BRI3: variants seen among roughly 807,000 people sequenced by gnomAD.
BRI3 encodes the protein membrane protein BRI3.
Under a neutral mutation model 12.8 loss-of-function variants are expected in BRI3, and 6 were observed. The ratio of observed to expected loss-of-function variants is 0.47; its 90% confidence interval spans 0.26 to 0.93. The LOEUF (loss-of-function observed/expected upper bound fraction) is 0.93. Among genes scored for constraint, BRI3 ranks in the 40% least tolerant of loss-of-function variants. The probability of loss-of-function intolerance (pLI) is 0.15; values close to 1 mark genes in which losing one functional copy is unlikely to be tolerated. For missense variants in BRI3, 134 were observed against 171.1 expected, an observed-to-expected ratio of 0.78 and a Z score of 1.21; for synonymous variants, 91 against 76.1, an observed-to-expected ratio of 1.20 and a Z score of -1.02.
chr7:98,305,092 T>C (rs543771537), upstream of BRI3, among the ~76,000 whole-genome samples: 3 of 148,626 alleles, frequency 2.0e-5, no homozygotes, highest in East Asian at 2.0e-4. Flanking sequence ...GGTTTCATTA[T>C]GTTGGCCAGG....
intron 1 of BRI3, among the ~76,000 whole-genome samples, chr7:98,301,475 G>GTA (rs60741017): frequency 0.069 from 9,826 of 142,198 alleles, 509 homozygotes; most frequent in East Asian, 0.3. Context: ...TTTTTTTTTG[G>GTA]TATATATATA....
At chr7:98,304,271 G>A (rs539226207), upstream of BRI3, 44 of 1,613,580 alleles carry the variant, frequency 2.7e-5, no homozygotes, top group African/African-American at 1.3e-4. Context: ...CTCTCCTGTC[G>A]GCAGCTGCCC....
chr7:98,283,870 G>A (rs902767991), intron 2 of BRI3, among the ~76,000 whole-genome samples: 1 of 152,232 alleles, frequency 6.6e-6, no homozygotes, highest in Non-Finnish European at 1.5e-5. Context: ...GAGACCAGCG[G>A]CAGCGAGGGA....
exon 2 of BRI3, chr7:98,309,778 G>C (rs900084351): frequency 2.0e-5 from 3 of 151,326 alleles, no homozygotes; most frequent in African/African-American, 7.4e-5. Context: ...CACAGGTCTC[G>C]AGGGTCCTGG....
chr7:98,305,852 G>A (rs1205417984), upstream of BRI3, among the ~76,000 whole-genome samples: 5 of 152,164 alleles, frequency 3.3e-5, no homozygotes, highest in South Asian at 2.1e-4. Context: ...TCTGGAATAC[G>A]GATTTGGGGG....
downstream of BRI3, chr7:98,293,423 AC>A (rs1800050572): frequency 8.7e-7 from 1 of 1,154,300 alleles, no homozygotes; most frequent in Admixed American, 1.8e-5. Flanking sequence ...AGGCCTCTCC[AC>A]TGAAGCTTCC....
At chr7:98,305,202 TA>T (rs1325512825), upstream of BRI3, among the ~76,000 whole-genome samples, 5 of 151,636 alleles carry the variant, frequency 3.3e-5, no homozygotes, top group African/African-American at 1.2e-4. Context: ...AAAAATTATT[TA>T]AAAGACATGA....
downstream of BRI3, chr7:98,312,196 T>C: frequency 6.2e-7 from 1 of 1,614,166 alleles, no homozygotes; most frequent in Non-Finnish European, 8.5e-7. Flanking sequence ...TGATTTTCTC[T>C]GGCACTTTGA....
intron 2 of BRI3, among the ~76,000 whole-genome samples, chr7:98,289,984 T>G (rs75105233): frequency 6.6e-6 from 1 of 152,138 alleles, no homozygotes; most frequent in Non-Finnish European, 1.5e-5. Flanking sequence ...GAGATCACAT[T>G]TCTCAAAATA....
upstream of BRI3, among the ~76,000 whole-genome samples, chr7:98,302,023 C>T (rs774956244): frequency 6.6e-6 from 1 of 152,106 alleles, no homozygotes; most frequent in African/African-American, 2.4e-5. Flanking sequence ...CGGTAAGAGG[C>T]GTGCACCGTG....
upstream of BRI3, among the ~76,000 whole-genome samples, chr7:98,304,850 A>G (rs1441216404): frequency 6.7e-6 from 1 of 149,788 alleles, no homozygotes; most frequent in African/African-American, 2.5e-5. Context: ...GTTTCTAAAC[A>G]TATCCTCACA....
At chr7:98,287,611 G>C (rs1283712526) in intron 2 of BRI3, among the ~76,000 whole-genome samples, 1 of 152,232 alleles carries the variant, frequency 6.6e-6, no homozygotes, top group Non-Finnish European at 1.5e-5. Context: ...GCCCGTGGCA[G>C]TGGGAGTGCA....
At chr7:98,317,450 A>G in the BRI3 span, 7 of 1,497,768 alleles carry the variant, frequency 4.7e-6, no homozygotes, top group Admixed American at 7.1e-5. Flanking sequence ...GTGTGGCTCA[A>G]CGGGGCCCTG....
At chr7:98,301,676 T>C (rs948608623), upstream of BRI3, among the ~76,000 whole-genome samples, 23 of 152,080 alleles carry the variant, frequency 1.5e-4, no homozygotes, top group Admixed American at 4.6e-4. Flanking sequence ...TGTGTGTGTG[T>C]GCACACGCGC....
downstream of BRI3, chr7:98,315,339 G>T: frequency 2.1e-6 from 2 of 934,774 alleles, no homozygotes; most frequent in Non-Finnish European, 1.4e-6. Flanking sequence ...TGTTGCCCAG[G>T]CCCACCTCAG....
chr7:98,281,736 T>G lies in BRI3; in HGVS notation c.-60T>G. ...CCGCGTCCCCGCCGCCGCCGCCGCG[T>G]CCCCCGCCGGGGCCGACCGAGCCGA... On this transcript the variant is annotated 5_prime_UTR_variant, in exon 1 of 3. Transcript: ENST00000297290. 7.3e-6 allele frequency: 6 copies of G among 823,624 alleles called. No individual in the cohort carries two copies. The highest frequency in any genetic ancestry group is 8.7e-6 in the Non-Finnish European group (6 of 690,156). 51.0% of individuals were successfully genotyped at this position (823,624 alleles called of 1,614,324 possible).
downstream of BRI3, among the ~76,000 whole-genome samples, chr7:98,295,110 C>A (rs1046665706): frequency 1.3e-5 from 2 of 152,228 alleles, no homozygotes; most frequent in Admixed American, 6.5e-5. Flanking sequence ...GCACGCAGAC[C>A]TCTCAAGATT....
upstream of BRI3, among the ~76,000 whole-genome samples, chr7:98,303,139 T>C (rs1027515198): frequency 6.6e-6 from 1 of 152,218 alleles, no homozygotes; most frequent in Non-Finnish European, 1.5e-5. Flanking sequence ...AACCAAATCA[T>C]GCCAATGCAG....
chr7:98,307,680 C>T, exon 2 of BRI3: 1 of 1,613,552 alleles, frequency 6.2e-7, no homozygotes, highest in African/African-American at 1.3e-5. Flanking sequence ...CCATCACGCC[C>T]AGACTTACGC....
Sources: gnomAD v4.1 joint callset for allele counts (sites outside exome capture counted in the v4.1 genomes callset) on GRCh38, gnomAD v4.1.1 for gene constraint, MANE v1.5 for transcripts, NCBI Gene and HGNC (gene_info 2026-07-23, HGNC 2026-07-21) for gene names.